Variants in DENND2B observed in about 807,000 individuals in gnomAD.
DENND2B encodes the protein DENN domain-containing protein 2B.
A neutral mutation model predicts 116.0 loss-of-function variants in DENND2B; 32 were observed. That is an observed-to-expected ratio of 0.28 (90% CI 0.21 to 0.37). The LOEUF (loss-of-function observed/expected upper bound fraction) is 0.37, where lower values mean the gene tolerates loss of function less well. DENND2B is among the 10% of genes least tolerant of loss of function. The pLI, the probability that DENND2B is intolerant of heterozygous loss-of-function variation, is 1.00. For synonymous variants in DENND2B, 588 were observed against 583.9 expected (o/e 1.01, Z -0.10); for missense variants, 1,276 against 1,477.7 (o/e 0.86, Z 2.24).
intron 2 of DENND2B, among the ~76,000 whole-genome samples, chr11:8,733,209 C>T (rs961390054): frequency 2.0e-5 from 3 of 152,176 alleles, no homozygotes; most frequent in South Asian, 2.1e-4. Context: ...CAGGGCAAGT[C>T]GCCAGGCTTG....
At chr11:8,798,305 C>T (rs558526439) in intron 1 of DENND2B, among the ~76,000 whole-genome samples, 38 of 152,260 alleles carry the variant, frequency 2.5e-4, no homozygotes, top group African/African-American at 7.2e-4. Context: ...ATTCAGTTTC[C>T]GAAGCAAGAG....
intron 1 of DENND2B, chr11:8,774,083 T>C: frequency 1.0e-6 from 1 of 983,402 alleles, no homozygotes; most frequent in Non-Finnish European, 1.2e-6. Context: ...GAAGTGCTGT[T>C]GTACAGATTG....
chr11:8,739,778 C>G (rs1159308677), intron 2 of DENND2B, among the ~76,000 whole-genome samples: 1 of 152,128 alleles, frequency 6.6e-6, no homozygotes, highest in Non-Finnish European at 1.5e-5. Context: ...ATGCAAAGGA[C>G]ATTTAAAAGA....
chr11:8,905,143 T>C (rs2064219980), intron 1 of DENND2B, among the ~76,000 whole-genome samples: 1 of 152,088 alleles, frequency 6.6e-6, no homozygotes, highest in Non-Finnish European at 1.5e-5. Context: ...ATTTCCAAAC[T>C]TACTACAAAA....
At chr11:8,843,578 G>A (rs1048468400) in intron 3 of DENND2B, among the ~76,000 whole-genome samples, 4 of 152,286 alleles carry the variant, frequency 2.6e-5, no homozygotes, top group African/African-American at 9.6e-5. Flanking sequence ...GGCCTCACTT[G>A]CTCATGCCTG....
rs2040968504 is a variant in DENND2B at position 8,698,948 on chromosome 11, G to A, written c.2925C>T (p.Asp975=). 1.9e-6 allele frequency: 3 copies of A among 1,614,056 alleles called. No homozygotes were observed. The highest frequency in any genetic ancestry group is 1.3e-5 in the African/African-American group (1 of 74,902). Residue 975 remains aspartate (D), a synonymous_variant, in exon 16 of 20, where the codon GAC becomes GAT. Coordinates refer to ENST00000313726, the MANE Select transcript of DENND2B (RefSeq NM_213618.2). The stretch of plus-strand genomic sequence containing the variant: ...ACCCTCTTACCTGTCGGATGAATCG[G>A]TCAGATCCCAGATTCACCATCAGCG... ...EEALMVNLGS[D]RFIRQMDDED...
intron 4 of DENND2B, among the ~76,000 whole-genome samples, chr11:8,816,109 T>C (rs2061559490): frequency 6.6e-6 from 1 of 152,210 alleles, no homozygotes; most frequent in Non-Finnish European, 1.5e-5. Flanking sequence ...AATGGGCTGT[T>C]CTTTCAATAT....
intron 3 of DENND2B, among the ~76,000 whole-genome samples, chr11:8,842,034 A>G (rs1044284049): frequency 3.3e-5 from 5 of 152,204 alleles, no homozygotes; most frequent in African/African-American, 1.2e-4. Flanking sequence ...CAAATGAACC[A>G]AAGTTCAAAT....
chr11:8,783,429 A>G (rs1021590439), intron 1 of DENND2B, among the ~76,000 whole-genome samples: 9 of 152,204 alleles, frequency 5.9e-5, no homozygotes, highest in Non-Finnish European at 1.2e-4. Context: ...CTCTGTATGT[A>G]CTGTCTGTGG....
At chr11:8,695,340 C>G in intron 19 of DENND2B, 123 bp downstream of exon 19, 2 of 904,072 alleles carry the variant, frequency 2.2e-6, no homozygotes, top group Non-Finnish European at 3.5e-6. Context: ...TGTCTACATC[C>G]TGTTCTGTCT....
At chr11:8,880,615 A>G (rs1397366679) in intron 2 of DENND2B, among the ~76,000 whole-genome samples, 1 of 152,212 alleles carries the variant, frequency 6.6e-6, no homozygotes, top group Admixed American at 6.5e-5. Context: ...GCCTTGAAGC[A>G]GGAGGATAGC....
chr11:8,793,803 C>T (rs929420162), intron 1 of DENND2B, among the ~76,000 whole-genome samples: 3 of 152,124 alleles, frequency 2.0e-5, no homozygotes, highest in African/African-American at 7.2e-5. Flanking sequence ...GCAGCTGCAC[C>T]GCTAACACTC....
chr11:8,897,491 G>A (rs886323599), intron 1 of DENND2B, among the ~76,000 whole-genome samples: 2 of 152,194 alleles, frequency 1.3e-5, no homozygotes, highest in African/African-American at 4.8e-5. Flanking sequence ...GACATTGTCA[G>A]AAACATGTGA....
intron 1 of DENND2B, among the ~76,000 whole-genome samples, chr11:8,804,738 T>C (rs1457454426): frequency 1.3e-5 from 2 of 151,708 alleles, no homozygotes; most frequent in African/African-American, 2.4e-5. Flanking sequence ...AGAGACAGGG[T>C]TTTACCATAT....
intron 2 of DENND2B, among the ~76,000 whole-genome samples, chr11:8,866,220 A>T (rs528671706): frequency 6.6e-6 from 1 of 152,298 alleles, no homozygotes; most frequent in East Asian, 1.9e-4. Context: ...CGGCCTCCCA[A>T]AGTGCTGGGA....
At chr11:8,909,452 A>G (rs2064285278) in intron 1 of DENND2B, among the ~76,000 whole-genome samples, 1 of 152,010 alleles carries the variant, frequency 6.6e-6, no homozygotes, top group South Asian at 2.1e-4. Context: ...AAGGAGAAGG[A>G]GAAGGAGAAG....
intron 3 of DENND2B, among the ~76,000 whole-genome samples, chr11:8,847,295 C>A (rs952981905): frequency 6.6e-6 from 1 of 152,190 alleles, no homozygotes; most frequent in South Asian, 2.1e-4. Flanking sequence ...TTTGGAATTT[C>A]GTTTCCCTTA....
At chr11:8,779,231 C>A (rs2058079955) in intron 1 of DENND2B, among the ~76,000 whole-genome samples, 1 of 152,192 alleles carries the variant, frequency 6.6e-6, no homozygotes. Flanking sequence ...AAAGGACAAA[C>A]AGTAGCTGGA....
intron 2 of DENND2B, among the ~76,000 whole-genome samples, chr11:8,734,420 G>A (rs1282797471): frequency 1.3e-5 from 2 of 151,924 alleles, no homozygotes; most frequent in African/African-American, 2.4e-5. Context: ...CCACTTATAA[G>A]CTTCATGACT....
Sources: allele counts gnomAD v4.1 joint callset (sites outside exome capture counted in the v4.1 genomes callset), GRCh38; gene constraint gnomAD v4.1.1; transcripts MANE v1.5; gene names NCBI Gene and HGNC (gene_info 2026-07-23, HGNC 2026-07-21).